The following RBFOX1 variants were observed in gnomAD, a reference collection of about 807,000 sequenced individuals.
The protein encoded by RBFOX1 is RNA binding fox-1 homolog 1.
In RBFOX1, 8 loss-of-function variants were observed where a neutral mutation model predicts 57.7. The ratio of observed to expected loss-of-function variants is 0.14; its 90% CI spans 0.08 to 0.25. RBFOX1 has a LOEUF of 0.25. Ranked by LOEUF, RBFOX1 falls within the 10% of genes least tolerant of loss-of-function variation. The pLI is 1.00. For synonymous variants in RBFOX1, 326 were observed against 222.4 expected, an observed-to-expected ratio of 1.47 and a Z score of -4.15; for missense variants, 611 against 548.5, an observed-to-expected ratio of 1.11 and a Z score of -1.14.
chr16:6,588,740 C>A lies in RBFOX1; in HGVS notation c.-63-65863C>A, dbSNP rs1475824332. Reference sequence around the variant, plus strand: ...TACAAAGTTAGTCTTGGACCATTTTCTTGTAGAACATCTGAAAATCAGGAC... The same window carrying A: ...TACAAAGTTAGTCTTGGACCATTTTATTGTAGAACATCTGAAAATCAGGAC... On this transcript the variant is annotated intron_variant, in intron 2 of 15. Transcript: ENST00000550418. Among the ~76,000 whole-genome samples the A allele has an allele frequency of 3.3e-5, 5 of 152,288 alleles. No homozygotes were observed. The South Asian group carries it at 8.3e-4, about 25-fold the overall frequency.
chr16:7,518,704 A>T (rs915481861), intron 5 of RBFOX1, among the ~76,000 whole-genome samples: 1 of 151,814 alleles, frequency 6.6e-6, no homozygotes, highest in Non-Finnish European at 1.5e-5. Context: ...GAAAAAAAAA[A>T]TTTGATGTAA....
chr16:5,564,085 C>G (rs1312723520), intron 2 of RBFOX1, among the ~76,000 whole-genome samples: 2 of 152,034 alleles, frequency 1.3e-5, no homozygotes, highest in Admixed American at 6.5e-5. Flanking sequence ...GCGATCTCAG[C>G]TCACTTCAAC....
intron 3 of RBFOX1, among the ~76,000 whole-genome samples, chr16:6,985,077 G>T (rs1599170677): frequency 7.4e-6 from 1 of 134,758 alleles, no homozygotes; most frequent in South Asian, 2.8e-4. Flanking sequence ...CATTTCTCAA[G>T]ATTCTGGAAT....
rs1283784411 is a variant in RBFOX1, at chr16:7,711,708, A to C, written c.*963A>C. 2 of 152,644 alleles carry C rather than the reference A, an allele frequency of 1.3e-5. No individual in the cohort carries two copies. The highest frequency in any genetic ancestry group is 2.9e-5 in the Non-Finnish European group (2 of 68,040). 9.5% of individuals were successfully genotyped at this position (152,644 alleles called of 1,614,324 possible). A position where few individuals can be genotyped will look rare whatever the true frequency, so the allele number is the denominator to read the frequency against. ...GTGCAGTGGAGTTGTTAAGTTCTAG[A>C]AACAGTCTATGAAGCTTTAGTTTTA... On this transcript the variant is annotated 3_prime_UTR_variant, in exon 16 of 16. Transcript: ENST00000550418.
intron 3 of RBFOX1, among the ~76,000 whole-genome samples, chr16:6,719,903 G>A (rs1468530579): frequency 6.6e-6 from 1 of 151,692 alleles, no homozygotes; most frequent in Non-Finnish European, 1.5e-5. Flanking sequence ...GACCAGCCTG[G>A]CCATCATGGT....
At chr16:6,269,464 G>A (rs1324345788) in intron 1 of RBFOX1, among the ~76,000 whole-genome samples, 1 of 152,114 alleles carries the variant, frequency 6.6e-6, no homozygotes, top group Non-Finnish European at 1.5e-5. Context: ...AAAAGTCAAG[G>A]CAACGAAAAC....
intron 3 of RBFOX1, among the ~76,000 whole-genome samples, chr16:6,888,976 T>C (rs895878644): frequency 1.3e-5 from 2 of 152,308 alleles, no homozygotes; most frequent in East Asian, 3.9e-4. Flanking sequence ...ACACAGCTTT[T>C]CTGTTTCTTA....
At chr16:6,529,494 G>T (rs1438835151) in intron 2 of RBFOX1, among the ~76,000 whole-genome samples, 2 of 151,950 alleles carry the variant, frequency 1.3e-5, no homozygotes, top group Non-Finnish European at 2.9e-5. Context: ...AGCAGGCAGA[G>T]GTTGCAGTAA....
rs75932775 is a variant in RBFOX1, at chr16:7,009,776, C to G, written c.-15-42281C>G. On this transcript the variant is annotated intron_variant, in intron 3 of 15. Coordinates refer to ENST00000550418, the MANE Select transcript of RBFOX1 (RefSeq NM_018723.4). Reference sequence around the variant, plus strand: ...AAACACTAAATTAAGTGGCATTCAGCTCTGTAACCTGCTTGCCTTGTGAAA... The same window carrying G: ...AAACACTAAATTAAGTGGCATTCAGGTCTGTAACCTGCTTGCCTTGTGAAA... 1.1e-3 allele frequency among the ~76,000 whole-genome samples: 161 copies of G among 152,272 alleles called. No homozygotes were observed. The East Asian group carries it at 0.026, about 25-fold the overall frequency.
chr16:5,580,376 T>C (rs893872917), intron 2 of RBFOX1, among the ~76,000 whole-genome samples: 1 of 152,202 alleles, frequency 6.6e-6, no homozygotes. Flanking sequence ...GGTCTCAGCC[T>C]GGCACCATTT....
At chr16:7,658,245 T>C (rs2066814002) in intron 12 of RBFOX1, among the ~76,000 whole-genome samples, 2 of 152,112 alleles carry the variant, frequency 1.3e-5, no homozygotes, top group Admixed American at 6.6e-5. Context: ...ATCCCATGTC[T>C]CTCCCTCTAT....
At chr16:6,102,901 T>G (rs1426216387) in intron 1 of RBFOX1, among the ~76,000 whole-genome samples, 2 of 152,150 alleles carry the variant, frequency 1.3e-5, no homozygotes, top group Non-Finnish European at 2.9e-5. Flanking sequence ...GGGGTTTTTT[T>G]TAGAAGAAAG....
intron 3 of RBFOX1, among the ~76,000 whole-genome samples, chr16:5,709,839 ATATATTTTTTTTTTTTTTTTTTTT>A (rs1238833042): frequency 4.6e-4 from 3 of 6,534 alleles, no homozygotes; most frequent in Non-Finnish European, 7.3e-4. Flanking sequence ...ATATATATAT[ATATATTTTTTTTTTTTTTTTTTTT>A]TTTTTTTTTT....
intron 3 of RBFOX1, among the ~76,000 whole-genome samples, chr16:6,944,211 A>G (rs1000267639): frequency 2.0e-5 from 3 of 151,924 alleles, no homozygotes; most frequent in Admixed American, 6.6e-5. Context: ...CCTGCCCAAC[A>G]CAGTGAAACC....
intron 4 of RBFOX1, among the ~76,000 whole-genome samples, chr16:5,957,476 C>T (rs929446600): frequency 6.6e-6 from 1 of 152,136 alleles, no homozygotes; most frequent in South Asian, 2.1e-4. Flanking sequence ...CTGCCTGACT[C>T]GGCCTCCCAA....
intron 1 of RBFOX1, among the ~76,000 whole-genome samples, chr16:5,320,586 A>G (rs2064374940): frequency 6.6e-6 from 1 of 152,228 alleles, no homozygotes; most frequent in Non-Finnish European, 1.5e-5. Flanking sequence ...GATCTGTGCA[A>G]TGCATCTTCA....
intron 1 of RBFOX1, among the ~76,000 whole-genome samples, chr16:5,256,014 G>T (rs1009179102): frequency 2.6e-5 from 4 of 151,884 alleles, no homozygotes; most frequent in Non-Finnish European, 1.5e-5. Flanking sequence ...ATAGAGATTA[G>T]GTTTTACTAT....
intron 4 of RBFOX1, among the ~76,000 whole-genome samples, chr16:7,339,096 G>A (rs1032783291): frequency 7.9e-5 from 12 of 152,172 alleles, no homozygotes; most frequent in Admixed American, 6.5e-4. Flanking sequence ...ACAGGTCCAG[G>A]TTGATATATA....
intron 3 of RBFOX1, among the ~76,000 whole-genome samples, chr16:5,735,116 C>G (rs1457894641): frequency 6.6e-6 from 1 of 152,174 alleles, no homozygotes; most frequent in Admixed American, 6.5e-5. Flanking sequence ...CTTAGTTACT[C>G]CGTTTCTGTG....
Sources: gnomAD v4.1 joint callset for allele counts (sites outside exome capture counted in the v4.1 genomes callset) on GRCh38, gnomAD v4.1.1 for gene constraint, MANE v1.5 for transcripts, NCBI Gene and HGNC (gene_info 2026-07-23, HGNC 2026-07-21) for gene names.